Variants in ING5 observed in about 807,000 individuals in gnomAD.
ING5 encodes the protein inhibitor of growth protein 5.
Under a neutral mutation model 37.4 loss-of-function variants are expected in ING5, and 17 were observed. The ratio of observed to expected loss-of-function variants is 0.45; its 90% CI spans 0.31 to 0.68. The LOEUF is 0.68. Ranked by LOEUF, ING5 falls within the 30% of genes least tolerant of loss-of-function variation. The pLI, the probability that ING5 is intolerant of heterozygous loss-of-function variation, is 0.05. For synonymous variants in ING5, 123 were observed against 116.6 expected, an observed-to-expected ratio of 1.06 and a Z score of -0.36; for missense variants, 233 against 311.9, an observed-to-expected ratio of 0.75 and a Z score of 1.91.
chr2:241,702,301 T>G (rs1335197153), intron 1 of ING5, among the ~76,000 whole-genome samples, 199 bp downstream of exon 1: 5 of 145,976 alleles, frequency 3.4e-5, no homozygotes, highest in Non-Finnish European at 7.6e-5. Flanking sequence ...GCGCGGGGGG[T>G]CCCGCCGGCT....
In ING5 at chr2:241,729,369, ATGT is replaced by A. The variant is rs2124967432; in HGVS notation, c.*4342_*4344del. ...ATGTTCCCTTTGTAAAGGAAAGATAATGTTGTAAATCTTTTTATTAGATAATGT... is the reference window on the plus strand; with the variant it reads ...ATGTTCCCTTTGTAAAGGAAAGATAATGTAAATCTTTTTATTAGATAATGT... On this transcript the variant is annotated 3_prime_UTR_variant, in exon 8 of 8. Coordinates refer to ENST00000313552, the MANE Select transcript of ING5 (RefSeq NM_032329.6). 6.5e-6 allele frequency: 1 copy of A among 152,762 alleles called. No individual in the cohort carries two copies. The highest frequency in any genetic ancestry group is 2.1e-4 in the South Asian group (1 of 4,828). 9.5% of individuals were successfully genotyped at this position (152,762 alleles called of 1,614,324 possible). A position where few individuals can be genotyped will look rare whatever the true frequency, so the allele number is the denominator to read the frequency against.
At chr2:241,687,187 T>G in exon 1 of ING5, 1 of 394,192 alleles carries the variant, frequency 2.5e-6, no homozygotes, top group Non-Finnish European at 4.5e-6. Context: ...CGGCTCTCGT[T>G]GGCCCCTGGC....
In ING5 at chr2:241,729,032, G is replaced by A. The variant is rs1244416979; in HGVS notation, c.*4001G>A. 6.6e-6 allele frequency: 1 copy of A among 152,258 alleles called. No homozygotes were observed. The highest frequency in any genetic ancestry group is 2.4e-5 in the African/African-American group (1 of 41,456). The allele number at this position is 152,258 out of a possible 1,614,324, so 9.4% of individuals were successfully genotyped here. On this transcript the variant is annotated 3_prime_UTR_variant, in exon 8 of 8. Transcript: ENST00000313552. ...CTTCCCACATGACCCCAGAGCCGAGGGTCTGCCCTGTCCTAGGTTAGGTCT... is the reference window on the plus strand; with the variant it reads ...CTTCCCACATGACCCCAGAGCCGAGAGTCTGCCCTGTCCTAGGTTAGGTCT...
intron 5 of ING5, chr2:241,720,662 C>A: frequency 1.0e-6 from 1 of 985,610 alleles, no homozygotes; most frequent in Non-Finnish European, 1.2e-6. Context: ...GGGCCGGGCG[C>A]GGAAGGGCTC....
At chr2:241,698,151 A>G (rs1427326107), upstream of ING5, among the ~76,000 whole-genome samples, 1 of 97,208 alleles carries the variant, frequency 1.0e-5, no homozygotes, top group Non-Finnish European at 2.1e-5. Flanking sequence ...TTTGGTTAAT[A>G]ATAATGTATC....
chr2:241,721,571 C>A lies in ING5; in HGVS notation c.483-1368C>A, dbSNP rs949453341. 1.3e-4 allele frequency: 128 copies of A among 985,348 alleles called. 2 individuals carry two copies. Among genetic ancestry groups the A allele is most frequent in the Middle Eastern group, 5.2e-4 (1 of 1,936 alleles). 61.0% of individuals were successfully genotyped at this position (985,348 alleles called of 1,614,324 possible). A position where few individuals can be genotyped will look rare whatever the true frequency, so the allele number is the denominator to read the frequency against. ...AGGAAAAGCTGAGTGTTGATTCCCT[C>A]TGGGACCCAGACTTCTGCTCCTTGG... On this transcript the variant is annotated intron_variant, in intron 5 of 7. Transcript: ENST00000313552.
rs527863760 is a variant in ING5 at position 241,711,897 on chromosome 2, C to T, written c.389-81C>T. ...GCCAGCCTGGGAGACAGAGCGAGAC[C>T]CCTTTTTAAAAACAAAACACAAAAC... On this transcript the variant is annotated intron_variant, in intron 4 of 7. Transcript: ENST00000313552. 9.8e-5 allele frequency: 121 copies of T among 1,234,998 alleles called. No homozygotes were observed. The African/African-American group carries it at 1.7e-3, about 17-fold the overall frequency. 76.5% of individuals were successfully genotyped at this position (1,234,998 alleles called of 1,614,324 possible).
intron 1 of ING5, among the ~76,000 whole-genome samples, chr2:241,704,384 C>T (rs779743085): frequency 5.9e-5 from 9 of 152,056 alleles, no homozygotes; most frequent in Non-Finnish European, 1.3e-4. Context: ...CCTGGCCAAC[C>T]TTGTGAAACC....
intron 2 of ING5, among the ~76,000 whole-genome samples, chr2:241,692,354 G>A (rs2069568889): frequency 6.6e-6 from 1 of 151,668 alleles, no homozygotes; most frequent in Admixed American, 6.6e-5. Flanking sequence ...TCTTGTTCAG[G>A]CTGAAGTGCA....
chr2:241,704,941 T>C (rs1358853077), intron 2 of ING5, among the ~76,000 whole-genome samples: 1 of 152,254 alleles, frequency 6.6e-6, no homozygotes, highest in African/African-American at 2.4e-5. Flanking sequence ...ATATCATGTT[T>C]TTATAACCAT....
At position 241,715,777 on chromosome 2, in the gene ING5, G is replaced by A. The variant is rs180954869; in HGVS notation, c.482+3706G>A. ...ACTGGGATTACAGGCGTGAGCCACC[G>A]CACCTGACCTAGAATTTTTTTTTTC... On this transcript the variant is annotated intron_variant, in intron 5 of 7. Transcript: ENST00000313552. 6.8e-5 allele frequency among the ~76,000 whole-genome samples: 10 copies of A among 147,690 alleles called. No homozygotes were observed. In the East Asian group the frequency reaches 1.5e-3, roughly 23 times the overall value.
Position 241,728,195 on chromosome 2 carries a change from G to C in ING5, c.*3164G>C, listed in dbSNP as rs1372217520. The C allele has an allele frequency of 6.6e-6, 1 of 152,356 alleles. No homozygotes were observed. Among genetic ancestry groups the C allele is most frequent in the Non-Finnish European group, 1.5e-5 (1 of 68,106 alleles). 9.4% of individuals were successfully genotyped at this position (152,356 alleles called of 1,614,324 possible). A position where few individuals can be genotyped will look rare whatever the true frequency, so the allele number is the denominator to read the frequency against. On this transcript the variant is annotated 3_prime_UTR_variant, in exon 8 of 8. Coordinates refer to ENST00000313552, the MANE Select transcript of ING5 (RefSeq NM_032329.6). Reference sequence around the variant, plus strand: ...GAGTGGCCGTTTGGCCAGAAAAGAAGGTCATGGCCCCTGGCCTGGCCCCCG... The same window carrying C: ...GAGTGGCCGTTTGGCCAGAAAAGAACGTCATGGCCCCTGGCCTGGCCCCCG...
chr2:241,718,679 T>C (rs1293954195), intron 5 of ING5, among the ~76,000 whole-genome samples: 4 of 152,128 alleles, frequency 2.6e-5, no homozygotes, highest in Non-Finnish European at 4.4e-5. Context: ...GGCCTCCCGA[T>C]GTGCTGGGAT....
At chr2:241,724,557 A>C (rs1197113085) in intron 7 of ING5, 2 of 193,082 alleles carry the variant, frequency 1.0e-5, no homozygotes, top group Non-Finnish European at 2.1e-5. Context: ...ACCAGGGAGC[A>C]CTTGTGAGAC....
At chr2:241,714,018 C>T (rs1223033431) in intron 5 of ING5, among the ~76,000 whole-genome samples, 5 of 151,732 alleles carry the variant, frequency 3.3e-5, no homozygotes, top group Admixed American at 1.3e-4. Flanking sequence ...CCAACATTCT[C>T]GTATTGTAAA....
chr2:241,722,661 A>G (rs2070461152), intron 5 of ING5: 2 of 985,450 alleles, frequency 2.0e-6, no homozygotes, highest in Admixed American at 6.1e-5. Flanking sequence ...TGTGTGCTCC[A>G]GGAAGAAAAC....
intron 2 of ING5, among the ~76,000 whole-genome samples, chr2:241,692,405 CT>C (rs1320729162): frequency 1.3e-5 from 2 of 151,666 alleles, no homozygotes; most frequent in African/African-American, 4.8e-5. Context: ...AGGTTCTGGT[CT>C]CGAGTGATCC....
At chr2:241,706,022 G>A (rs1392923835) in intron 2 of ING5, among the ~76,000 whole-genome samples, 1 of 151,354 alleles carries the variant, frequency 6.6e-6, no homozygotes. Flanking sequence ...GGCCCTGTTT[G>A]TTGGCTTTGT....
chr2:241,707,490 C>G (rs947623505), intron 2 of ING5, among the ~76,000 whole-genome samples: 6 of 151,486 alleles, frequency 4.0e-5, no homozygotes, highest in Non-Finnish European at 7.4e-5. Context: ...CGGGGTTTCT[C>G]CATGTTGGTC....
Sources: gnomAD v4.1 joint callset for allele counts (sites outside exome capture counted in the v4.1 genomes callset) on GRCh38, gnomAD v4.1.1 for gene constraint, MANE v1.5 for transcripts, NCBI Gene and HGNC (gene_info 2026-07-23, HGNC 2026-07-21) for gene names.